CTNNB1: variants seen among roughly 807,000 people sequenced by gnomAD.
CTNNB1 encodes the protein catenin beta-1.
CTNNB1 carries 6 observed loss-of-function variants against 82.5 expected under a neutral mutation model. The ratio of observed to expected loss-of-function variants is 0.07; its 90% CI spans 0.04 to 0.14. The LOEUF is 0.14. Among genes scored for constraint, CTNNB1 ranks in the 10% least tolerant of loss-of-function variants. The probability of loss-of-function intolerance (pLI) is 1.00; values close to 1 mark genes in which losing one functional copy is unlikely to be tolerated. For synonymous variants in CTNNB1, 312 were observed against 329.7 expected, an observed-to-expected ratio of 0.95 and a Z score of 0.58; for missense variants, 529 against 980.4, an observed-to-expected ratio of 0.54 and a Z score of 6.15.
At position 41,240,268 on chromosome 3, in the gene CTNNB1, CTA is replaced by C. The variant is rs2078551801; in HGVS notation, c.*928_*929del. The stretch of plus-strand genomic sequence containing the variant: ...TCTATTTCATGTTTTTGATCAAAAA[CTA>C]TTTGGGATATGTATGGGTAGGGTAA... On this transcript the variant is annotated 3_prime_UTR_variant, in exon 15 of 15. Transcript: ENST00000349496. The C allele has an allele frequency of 5.2e-6, 1 of 193,188 alleles. No individual in the cohort carries two copies. Among genetic ancestry groups the C allele is most frequent in the Non-Finnish European group, 1.1e-5 (1 of 92,434 alleles). 12.0% of individuals were successfully genotyped at this position (193,188 alleles called of 1,614,324 possible). A position where few individuals can be genotyped will look rare whatever the true frequency, so the allele number is the denominator to read the frequency against.
At chr3:41,204,218 G>C (rs2077596392) in intron 1 of CTNNB1, among the ~76,000 whole-genome samples, 1 of 151,986 alleles carries the variant, frequency 6.6e-6, no homozygotes, top group Non-Finnish European at 1.5e-5. Context: ...TTGGTGCTTA[G>C]TATTTACAGC....
intron 7 of CTNNB1, among the ~76,000 whole-genome samples, chr3:41,232,942 A>G (rs1388675642): frequency 6.6e-6 from 1 of 152,154 alleles, no homozygotes; most frequent in Non-Finnish European, 1.5e-5. Context: ...CTAGATCATA[A>G]ATTCTGAGGG....
chr3:41,201,077 A>T (rs1265799165), intron 1 of CTNNB1, among the ~76,000 whole-genome samples: 2 of 152,204 alleles, frequency 1.3e-5, no homozygotes, highest in Non-Finnish European at 2.9e-5. Flanking sequence ...TGTTTTTCAG[A>T]TCGCTAAGTT....
At position 41,225,997 on chromosome 3, in the gene CTNNB1, G is replaced by A; in HGVS notation, c.936+136G>A. ...AAAACAGTTTTTCCATGAATGGGTT[G>A]TGGGAATGGTTTCTGGATGACACCA... On this transcript the variant is annotated intron_variant, in intron 6 of 14. Transcript: ENST00000349496. This position sits in a 1 kb window ranked among gnomAD's most constrained non-coding sequence, Gnocchi z 5.3. 2.6e-6 allele frequency: 2 copies of A among 778,542 alleles called. No individual in the cohort carries two copies. Among genetic ancestry groups the A allele is most frequent in the Admixed American group, 2.0e-5 (1 of 49,598 alleles). The allele number at this position is 778,542 out of a possible 1,614,324, so 48.2% of individuals were successfully genotyped here.
At position 41,201,860 on chromosome 3, in the gene CTNNB1, C is replaced by G. The variant is rs77380400; in HGVS notation, c.-49+2190C>G. On this transcript the variant is annotated intron_variant, in intron 1 of 14. Coordinates refer to ENST00000349496, the MANE Select transcript of CTNNB1 (RefSeq NM_001904.4). ...CAGTATTAAAATTTATCAGACTGAG[C>G]TTACTGTTCCTGTTAATGACTGGAA... 2.2e-3 allele frequency among the ~76,000 whole-genome samples: 330 copies of G among 151,918 alleles called. 2 individuals are homozygous for G. Among genetic ancestry groups the G allele is most frequent in the African/African-American group, 7.5e-3 (312 of 41,398 alleles).
chr3:41,230,512 G>A (rs187768239), intron 7 of CTNNB1, among the ~76,000 whole-genome samples: 129 of 152,246 alleles, frequency 8.5e-4, no homozygotes, highest in Admixed American at 2.5e-3. Flanking sequence ...GTATACATTG[G>A]GTAACACAAC....
chr3:41,238,939 A>G (rs892236929), intron 14 of CTNNB1, among the ~76,000 whole-genome samples, 195 bp from the exon 15 acceptor site: 6 of 150,628 alleles, frequency 4.0e-5, no homozygotes, highest in Admixed American at 2.0e-4. Flanking sequence ...GTGTAGTCTC[A>G]TGGGTGGCCT....
chr3:41,225,151 G>A lies in CTNNB1; in HGVS notation c.439G>A (p.Glu147Lys). 1 of 1,614,074 alleles carries A rather than the reference G, an allele frequency of 6.2e-7. No homozygotes were observed. The highest frequency in any genetic ancestry group is 8.5e-7 in the Non-Finnish European group (1 of 1,179,990). Residue 147 changes from glutamate (E) to lysine (K), a missense_variant, in exon 4 of 15, where the codon GAA becomes AAA. Glu to Lys is a moderately conservative substitution (Grantham distance 56). Around this residue, in one of 4 missense-constraint regions of CTNNB1, gnomAD observed 411 missense variants for 776.4 expected, o/e 0.53. Transcript: ENST00000349496. The surrounding 1 kb of genome is among the most constrained non-coding windows in gnomAD (Gnocchi z 5.3). The stretch of plus-strand genomic sequence containing the variant: ...CTTGATTAACTATCAAGATGATGCA[G>A]AACTTGCCACACGTGCAATCCCTGA... Reference protein sequence around the residue: ...VNLINYQDDAELATRAIPELT... With the variant: ...VNLINYQDDAKLATRAIPELT...
Position 41,225,281 on chromosome 3 carries a change from A to G in CTNNB1, c.496-53A>G, listed in dbSNP as rs2078147259. 7 of 1,613,600 alleles carry G rather than the reference A, an allele frequency of 4.3e-6. No homozygotes were observed. The South Asian group carries it at 7.7e-5, about 18-fold the overall frequency. On this transcript the variant is annotated intron_variant, in intron 4 of 14. Transcript: ENST00000349496. The surrounding 1 kb of genome is among the most constrained non-coding windows in gnomAD (Gnocchi z 5.3). ...CAAGGGGAGTAGTTTCAGAATGTCT[A>G]CCCAATACCAGTACTTGAAAACTAA...
At chr3:41,224,489 C>T (rs2125616424) in intron 2 of CTNNB1, 37 bp from the exon 3 acceptor site, 1 of 1,547,226 alleles carries the variant, frequency 6.5e-7, no homozygotes, top group Non-Finnish European at 8.9e-7. Flanking sequence ...AGTAACATTT[C>T]CAATCTACTA....
intron 11 of CTNNB1, 200 bp from the exon 12 acceptor site, chr3:41,236,149 A>G: frequency 2.6e-6 from 2 of 781,638 alleles, no homozygotes; most frequent in Non-Finnish European, 4.2e-6. Context: ...CTCTGAAGAA[A>G]GGGTTTATAG....
At position 41,225,252 on chromosome 3, in the gene CTNNB1, T is replaced by C. The variant is rs779395096; in HGVS notation, c.495+45T>C. On this transcript the variant is annotated intron_variant, in intron 4 of 14. Transcript: ENST00000349496. This position sits in a 1 kb window ranked among gnomAD's most constrained non-coding sequence, Gnocchi z 5.3. ...GCTTTTTAGTCTGCTTTGAAGTAAA[T>C]GCTCAAGGGGAGTAGTTTCAGAATG... The C allele has an allele frequency of 2.5e-6, 4 of 1,613,936 alleles. No individual in the cohort carries two copies. The South Asian group carries it at 4.4e-5, about 18-fold the overall frequency.
chr3:41,227,452 A>G, intron 7 of CTNNB1, 100 bp downstream of exon 7: 1 of 1,263,268 alleles, frequency 7.9e-7, no homozygotes, highest in Non-Finnish European at 1.1e-6. Context: ...ACTACTGAAA[A>G]TAAATGGTCC....
At chr3:41,232,527 C>G (rs987116168) in intron 7 of CTNNB1, among the ~76,000 whole-genome samples, 4 of 151,888 alleles carry the variant, frequency 2.6e-5, no homozygotes, top group African/African-American at 9.7e-5. Flanking sequence ...AAAAGTATCT[C>G]TTACTGCATT....
At chr3:41,208,687 T>C (rs2077706019) in intron 1 of CTNNB1, among the ~76,000 whole-genome samples, 1 of 152,210 alleles carries the variant, frequency 6.6e-6, no homozygotes, top group South Asian at 2.1e-4. Context: ...ATCTCTTGTA[T>C]CTATGACCAT....
At position 41,207,590 on chromosome 3, in the gene CTNNB1, A is replaced by G. The variant is rs117090459; in HGVS notation, c.-49+7920A>G. 8.7e-4 allele frequency among the ~76,000 whole-genome samples: 132 copies of G among 152,316 alleles called. 1 individual carries two copies. In the East Asian group the frequency reaches 0.02, roughly 23 times the overall value. On this transcript the variant is annotated intron_variant, in intron 1 of 14. Coordinates refer to ENST00000349496, the MANE Select transcript of CTNNB1 (RefSeq NM_001904.4). ...TCTGGGCAGAGGCCAGTCCTGAGGC[A>G]TGCCTTTTCAAGGACATTGTTACTT...
chr3:41,203,083 G>GAC (rs2077571018), intron 1 of CTNNB1, among the ~76,000 whole-genome samples: 1 of 146,658 alleles, frequency 6.8e-6, no homozygotes, highest in Non-Finnish European at 1.5e-5. Context: ...TCTGTTAAGA[G>GAC]ACATTCCCCA....
At chr3:41,235,985 G>GT in intron 11 of CTNNB1, 142 bp downstream of exon 11, 1 of 1,077,104 alleles carries the variant, frequency 9.3e-7, no homozygotes, top group Non-Finnish European at 1.4e-6. Context: ...TTTTTGGTCA[G>GT]TAAGAGAAAC....
rs2125640132 is a variant in CTNNB1 at position 41,233,749 on chromosome 3, G to A, written c.1406G>A (p.Arg469His). The A allele has an allele frequency of 6.2e-7, 1 of 1,613,972 alleles. No individual in the cohort carries two copies. The highest frequency in any genetic ancestry group is 8.5e-7 in the Non-Finnish European group (1 of 1,179,940). Residue 469 changes from arginine (R) to histidine (H), a missense_variant, in exon 9 of 15, where the codon CGT (arginine) becomes CAT (histidine). Arg to His is a conservative substitution (Grantham distance 29). Coordinates refer to ENST00000349496, the MANE Select transcript of CTNNB1 (RefSeq NM_001904.4). ...DITEPAICAL[R>H]HLTSRHQEAE... is the part of the protein sequence containing the mutation. ...ACTGAGCCTGCCATCTGTGCTCTTC[G>A]TCATCTGACCAGCCGACACCAAGAA...
Sources: gnomAD v4.1 joint callset for allele counts (sites outside exome capture counted in the v4.1 genomes callset) on GRCh38, gnomAD v4.1.1 for gene constraint, gnomAD v4.1.1 regional missense constraint, Gnocchi (gnomAD v3.1) non-coding constraint, MANE v1.5 for transcripts, NCBI Gene and HGNC (gene_info 2026-07-23, HGNC 2026-07-21) for gene names.